The following ATP10A variants were observed in gnomAD, a reference collection of about 807,000 sequenced individuals.
ATP10A encodes phospholipid-transporting ATPase VA.
Under a neutral mutation model 147.8 loss-of-function variants are expected in ATP10A, and 111 were observed. The ratio of observed to expected loss-of-function variants is 0.75; its 90% CI spans 0.64 to 0.88. The LOEUF (loss-of-function observed/expected upper bound fraction) is 0.88. ATP10A is among the 40% of genes least tolerant of loss of function. The probability of loss-of-function intolerance (pLI) is 0.00; values close to 1 mark genes in which losing one functional copy is unlikely to be tolerated. For missense variants in ATP10A, 1,927 were observed against 1,959.0 expected (o/e 0.98, Z 0.31); for synonymous variants, 875 against 841.6 (o/e 1.04, Z -0.69).
chr15:25,711,130 C>T (rs1410671558), intron 10 of ATP10A, among the ~76,000 whole-genome samples: 1 of 152,138 alleles, frequency 6.6e-6, no homozygotes, highest in African/African-American at 2.4e-5. Flanking sequence ...TGTTGCCTGA[C>T]ACCACACCTG....
chr15:25,771,727 T>C (rs555305739), intron 2 of ATP10A, among the ~76,000 whole-genome samples: 8 of 151,906 alleles, frequency 5.3e-5, no homozygotes, highest in African/African-American at 1.7e-4. Flanking sequence ...AGGAAATGTA[T>C]GAATACTACA....
chr15:25,680,232 C>G lies in ATP10A; in HGVS notation c.3755G>C (p.Cys1252Ser). 1 of 1,614,110 alleles carries G rather than the reference C, an allele frequency of 6.2e-7. No homozygotes were observed. The highest frequency in any genetic ancestry group is 8.5e-7 in the Non-Finnish European group (1 of 1,180,004). The change falls in exon 20 of 21, where the codon TGT (cysteine) becomes TCT (serine). Residue 1252 changes from cysteine (C) to serine (S), a missense_variant. Coordinates refer to ENST00000555815, the MANE Select transcript of ATP10A (RefSeq NM_024490.4). Reference sequence around the variant, plus strand: ...GTTGGACGGAGGATAGCACGTGGCACAAGACGCATTGTAAATCAAAGCCAC... The same window carrying G: ...GTTGGACGGAGGATAGCACGTGGCAGAAGACGCATTGTAAATCAAAGCCAC... ...FTVALIYNAS[C>S]ATCYPPSNPY... is the part of the protein sequence containing the mutation.
chr15:25,846,993 G>C (rs1399170423), intron 1 of ATP10A, among the ~76,000 whole-genome samples: 1 of 152,170 alleles, frequency 6.6e-6, no homozygotes, highest in Non-Finnish European at 1.5e-5. Context: ...GAAGACTGTG[G>C]CTGTAATGAA....
At position 25,784,175 on chromosome 15, in the gene ATP10A, C is replaced by T. The variant is rs145896222; in HGVS notation, c.450-2952G>A. ...CACGAAGCCATTTGAAAGGGCCTGT[C>T]CCTTTGGAAGAAAGTTTCCCAATGC... is the stretch of plus-strand genomic sequence containing the variant. On this transcript the variant is annotated intron_variant, in intron 1 of 20. Coordinates refer to ENST00000555815, the MANE Select transcript of ATP10A (RefSeq NM_024490.4). Among the ~76,000 whole-genome samples, 18 of 152,330 alleles carry T rather than the reference C, an allele frequency of 1.2e-4. No individual in the cohort carries two copies. In the East Asian group the frequency reaches 2.7e-3, roughly 23 times the overall value.
chr15:25,856,388 C>A (rs1331352691), intron 1 of ATP10A, among the ~76,000 whole-genome samples: 1 of 152,162 alleles, frequency 6.6e-6, no homozygotes, highest in Admixed American at 6.5e-5. Flanking sequence ...GCCTCCCCAG[C>A]CATGCAGAAC....
At chr15:25,681,731 G>C (rs1048977851) in intron 17 of ATP10A, among the ~76,000 whole-genome samples, 2 of 152,126 alleles carry the variant, frequency 1.3e-5, no homozygotes, top group African/African-American at 4.8e-5. Context: ...CCAAAAAGAC[G>C]AGCTTCAGTA....
intron 17 of ATP10A, among the ~76,000 whole-genome samples, chr15:25,682,216 TG>T (rs1204500710): frequency 6.6e-6 from 1 of 152,122 alleles, no homozygotes; most frequent in African/African-American, 2.4e-5. Context: ...CCTCTCTTGG[TG>T]GTGGGTCCCT....
At chr15:25,799,246 G>A (rs1364571822) in intron 1 of ATP10A, among the ~76,000 whole-genome samples, 1 of 152,030 alleles carries the variant, frequency 6.6e-6, no homozygotes, top group Non-Finnish European at 1.5e-5. Context: ...TTTCATCCTG[G>A]GCTCTCCCCT....
chr15:25,774,709 G>A (rs113443439), intron 2 of ATP10A, among the ~76,000 whole-genome samples: 14 of 151,772 alleles, frequency 9.2e-5, no homozygotes, highest in African/African-American at 3.1e-4. Flanking sequence ...AATCTTCTTC[G>A]GGCCAAACTT....
intron 2 of ATP10A, among the ~76,000 whole-genome samples, chr15:25,769,996 C>A (rs1039064565): frequency 2.6e-5 from 4 of 152,168 alleles, no homozygotes; most frequent in African/African-American, 9.7e-5. Flanking sequence ...AGGAGAGAGG[C>A]CTCAAGTAAA....
intron 1 of ATP10A, among the ~76,000 whole-genome samples, chr15:25,822,685 T>A (rs941672029): frequency 5.3e-5 from 8 of 152,128 alleles, no homozygotes; most frequent in Admixed American, 2.0e-4. Flanking sequence ...CCTCTCTCTC[T>A]CACACACATA....
chr15:25,821,411 C>CA (rs148451360), intron 1 of ATP10A, among the ~76,000 whole-genome samples: 1 of 64,696 alleles, frequency 1.5e-5, no homozygotes, highest in East Asian at 3.0e-4. Context: ...AAAAAAAAAA[C>CA]AAACAAAAAA....
At chr15:25,720,124 C>T (rs1024374341) in intron 7 of ATP10A, among the ~76,000 whole-genome samples, 1 of 152,166 alleles carries the variant, frequency 6.6e-6, no homozygotes, top group African/African-American at 2.4e-5. Context: ...TGGGATCCTG[C>T]CCCTGGGAGC....
intron 20 of ATP10A, 40 bp downstream of exon 20, chr15:25,680,081 C>G (rs753635183): frequency 2.5e-6 from 4 of 1,602,344 alleles, no homozygotes; most frequent in African/African-American, 1.3e-5. Flanking sequence ...CGTCTGGGCT[C>G]ACTCGGGGCT....
intron 10 of ATP10A, among the ~76,000 whole-genome samples, chr15:25,712,318 A>G (rs1005293738): frequency 6.6e-6 from 1 of 152,196 alleles, no homozygotes; most frequent in African/African-American, 2.4e-5. Context: ...ATATGTTGCC[A>G]GCAAAGACAA....
intron 1 of ATP10A, among the ~76,000 whole-genome samples, chr15:25,801,294 T>A (rs900758504): frequency 2.6e-5 from 4 of 151,844 alleles, no homozygotes; most frequent in South Asian, 2.1e-4. Flanking sequence ...GGGCATGAGG[T>A]GGACCAGCAG....
chr15:25,690,132 A>G (rs1899938990), intron 15 of ATP10A, among the ~76,000 whole-genome samples: 2 of 152,186 alleles, frequency 1.3e-5, no homozygotes, highest in Non-Finnish European at 2.9e-5. Context: ...GTTGATGGGA[A>G]GCCTTACTGA....
At chr15:25,772,310 C>T (rs919574211) in intron 2 of ATP10A, among the ~76,000 whole-genome samples, 1 of 152,094 alleles carries the variant, frequency 6.6e-6, no homozygotes, top group Admixed American at 6.6e-5. Flanking sequence ...CCCACCAGGC[C>T]CTGACGTCTC....
intron 2 of ATP10A, among the ~76,000 whole-genome samples, chr15:25,764,564 T>C (rs1274362984): frequency 2.6e-5 from 4 of 152,176 alleles, no homozygotes; most frequent in Non-Finnish European, 5.9e-5. Context: ...GGTGGCTGTC[T>C]GCAGGCCGGG....
Sources: allele counts gnomAD v4.1 joint callset (sites outside exome capture counted in the v4.1 genomes callset), GRCh38; gene constraint gnomAD v4.1.1; transcripts MANE v1.5; gene names NCBI Gene and HGNC (gene_info 2026-07-23, HGNC 2026-07-21).